Variants in SAMSN1 observed in about 807,000 individuals in gnomAD.
The protein encoded by SAMSN1 is SAM domain-containing protein SAMSN-1.
SAMSN1 carries 31 observed loss-of-function variants against 42.0 expected under a neutral mutation model. The ratio of observed to expected loss-of-function variants is 0.74; its 90% CI spans 0.55 to 1.00. The LOEUF (loss-of-function observed/expected upper bound fraction) is 1.00, where lower values mean the gene tolerates loss of function less well. SAMSN1 is among the 50% of genes least tolerant of loss of function. SAMSN1 has a pLI of 0.00. For synonymous variants in SAMSN1, 178 were observed against 151.9 expected (o/e 1.17, Z -1.26); for missense variants, 464 against 439.4 (o/e 1.06, Z -0.50).
chr21:14,548,764 T>C (rs1170703049), upstream of SAMSN1, among the ~76,000 whole-genome samples: 1 of 151,986 alleles, frequency 6.6e-6, no homozygotes, highest in African/African-American at 2.4e-5. Flanking sequence ...ATCAATTATC[T>C]ACTATTTTAT....
chr21:14,639,158 A>G (rs1227741809), intron 2 of SAMSN1, among the ~76,000 whole-genome samples: 3 of 152,256 alleles, frequency 2.0e-5, no homozygotes, highest in African/African-American at 7.2e-5. Flanking sequence ...CAAGTCAGAT[A>G]ATTCAGGCTT....
At chr21:14,516,076 A>G (rs1390132416) in intron 3 of SAMSN1, among the ~76,000 whole-genome samples, 1 of 152,228 alleles carries the variant, frequency 6.6e-6, no homozygotes, top group African/African-American at 2.4e-5. Context: ...GTCAAATGAC[A>G]CACCTGCTTA....
At chr21:14,609,385 T>C in intron 5 of SAMSN1, 1 of 694,006 alleles carries the variant, frequency 1.4e-6, no homozygotes, top group African/African-American at 1.8e-5. Context: ...CATAATGGTC[T>C]GCTTATTTTC....
chr21:14,595,250 G>A (rs891115767), intron 6 of SAMSN1, among the ~76,000 whole-genome samples: 1 of 152,096 alleles, frequency 6.6e-6, no homozygotes, highest in Non-Finnish European at 1.5e-5. Context: ...ATTGTATTAA[G>A]AGGTGGGGCT....
At chr21:14,550,827 T>C (rs1474787930), upstream of SAMSN1, among the ~76,000 whole-genome samples, 2 of 152,128 alleles carry the variant, frequency 1.3e-5, no homozygotes, top group South Asian at 2.1e-4. Context: ...GCTTTGAGTA[T>C]CTTAATTCTC....
rs546065438 is a variant in SAMSN1, at chr21:14,524,264, T to G, written c.58-3043A>C. Among the ~76,000 whole-genome samples the G allele has an allele frequency of 6.9e-4, 105 of 152,294 alleles. 2 individuals carry two copies. The highest frequency in any genetic ancestry group is 1.3e-3 in the Non-Finnish European group (85 of 67,982). On this transcript the variant is annotated intron_variant, in intron 1 of 7. Coordinates refer to ENST00000400566, the MANE Select transcript of SAMSN1 (RefSeq NM_022136.5). ...AATAATAGTACTTAATAAATGAGAA[T>G]GTGTTTGAATATTGATAATGTTGTT... is the stretch of plus-strand genomic sequence containing the variant.
intron 1 of SAMSN1, 63 bp downstream of exon 1, chr21:14,546,142 C>T: frequency 2.2e-6 from 3 of 1,376,208 alleles, no homozygotes; most frequent in East Asian, 2.3e-5. Context: ...TTCAAACACA[C>T]ATATGTGTTT....
At chr21:14,567,118 G>A (rs539462955) in intron 2 of SAMSN1, among the ~76,000 whole-genome samples, 11 of 151,926 alleles carry the variant, frequency 7.2e-5, no homozygotes, top group Non-Finnish European at 1.2e-4. Context: ...ATTGACAGAG[G>A]GTTTCATGGC....
upstream of SAMSN1, among the ~76,000 whole-genome samples, chr21:14,547,559 C>T (rs1980454683): frequency 6.6e-6 from 1 of 152,074 alleles, no homozygotes; most frequent in Non-Finnish European, 1.5e-5. Flanking sequence ...AGAAAATAAA[C>T]CTAGATTTCT....
chr21:14,593,996 G>A (rs1384497169), intron 7 of SAMSN1: 1 of 715,488 alleles, frequency 1.4e-6, no homozygotes, highest in Non-Finnish European at 2.6e-6. Context: ...AGTTACATCT[G>A]GGAAGAAATG....
intron 1 of SAMSN1, among the ~76,000 whole-genome samples, chr21:14,650,889 T>C (rs1247827227): frequency 6.6e-6 from 1 of 151,938 alleles, no homozygotes; most frequent in East Asian, 1.9e-4. Context: ...TAGTGGCTAC[T>C]ATGAGCAACT....
At chr21:14,525,718 T>C (rs2822733) in intron 1 of SAMSN1, among the ~76,000 whole-genome samples, 47,736 of 152,086 alleles carry the variant, frequency 0.31, 8,455 homozygotes, top group South Asian at 0.43. Context: ...ATTAGCTGGA[T>C]GGTGGCTATA....
chr21:14,485,822 T>G lies in SAMSN1; in HGVS notation c.*90A>C. 2.0e-6 allele frequency: 2 copies of G among 1,007,396 alleles called. No individual in the cohort carries two copies. Among genetic ancestry groups the G allele is most frequent in the Non-Finnish European group, 3.1e-6 (2 of 650,026 alleles). The allele number at this position is 1,007,396 out of a possible 1,614,324, so 62.4% of individuals were successfully genotyped here. ...AAACTTTAGGTTTTATTTACAAATA[T>G]TTATCTTATCTTCCTCTCCTATTTG... On this transcript the variant is annotated 3_prime_UTR_variant, in exon 8 of 8. Coordinates refer to ENST00000400566, the MANE Select transcript of SAMSN1 (RefSeq NM_022136.5).
chr21:14,503,020 G>C (rs1987238004), intron 5 of SAMSN1, among the ~76,000 whole-genome samples: 1 of 152,084 alleles, frequency 6.6e-6, no homozygotes, highest in Non-Finnish European at 1.5e-5. Flanking sequence ...AATTCTTTTA[G>C]CGCAAAACCT....
intron 1 of SAMSN1, among the ~76,000 whole-genome samples, chr21:14,526,809 A>C (rs1978890332): frequency 1.3e-5 from 2 of 152,224 alleles, no homozygotes; most frequent in Non-Finnish European, 2.9e-5. Flanking sequence ...TCGGTTTCCT[A>C]GAATACTGAC....
chr21:14,551,200 T>C (rs1980584102), upstream of SAMSN1, among the ~76,000 whole-genome samples: 1 of 152,130 alleles, frequency 6.6e-6, no homozygotes, highest in African/African-American at 2.4e-5. Flanking sequence ...TTAGAGAGCC[T>C]GGCCTGGCAA....
intron 2 of SAMSN1, among the ~76,000 whole-genome samples, chr21:14,517,451 T>C (rs916229337): frequency 2.6e-5 from 4 of 152,250 alleles, no homozygotes; most frequent in Non-Finnish European, 5.9e-5. Context: ...CTGTAGCATC[T>C]ATCTGTGTTG....
intron 7 of SAMSN1, chr21:14,496,364 T>C (rs527494826): frequency 2.0e-5 from 3 of 152,360 alleles, no homozygotes; most frequent in African/African-American, 7.2e-5. Flanking sequence ...CTCCAAATTT[T>C]TGCCTCATCT....
intron 7 of SAMSN1, among the ~76,000 whole-genome samples, chr21:14,488,471 TA>T (rs1218201981): frequency 6.6e-6 from 1 of 152,106 alleles, no homozygotes; most frequent in East Asian, 1.9e-4. Flanking sequence ...TCTTTTCCTT[TA>T]AAAAAATAAA....
Sources: allele counts gnomAD v4.1 joint callset (sites outside exome capture counted in the v4.1 genomes callset), GRCh38; gene constraint gnomAD v4.1.1; transcripts MANE v1.5; gene names NCBI Gene and HGNC (gene_info 2026-07-23, HGNC 2026-07-21).